CACNA1B: variants seen among roughly 807,000 people sequenced by gnomAD.
CACNA1B encodes voltage-dependent N-type calcium channel subunit alpha-1B.
In CACNA1B, 70 loss-of-function variants were observed where a neutral mutation model predicts 247.2. The observed-to-expected ratio is 0.28, with a 90% CI of 0.23 to 0.35. The LOEUF is 0.35. Among genes scored for constraint, CACNA1B ranks in the 10% least tolerant of loss-of-function variants. The pLI is 1.00. For missense variants in CACNA1B, 2,367 were observed against 3,197.4 expected, an observed-to-expected ratio of 0.74 and a Z score of 6.26; for synonymous variants, 1,231 against 1,294.4, an observed-to-expected ratio of 0.95 and a Z score of 1.05.
chr9:138,034,449 G>GTTTT (rs566090688), intron 20 of CACNA1B, among the ~76,000 whole-genome samples: 1 of 135,190 alleles, frequency 7.4e-6, no homozygotes, highest in Non-Finnish European at 1.6e-5. Flanking sequence ...TAGGGTCATA[G>GTTTT]TTTTTTTTTT....
At chr9:138,070,202 C>A (rs1025573729) in intron 32 of CACNA1B, among the ~76,000 whole-genome samples, 1 of 152,202 alleles carries the variant, frequency 6.6e-6, no homozygotes, top group Non-Finnish European at 1.5e-5. Flanking sequence ...TCAAGAAGGC[C>A]CCGCTTTGCC....
chr9:137,918,997 G>A (rs1167303440), intron 6 of CACNA1B, among the ~76,000 whole-genome samples: 1 of 152,230 alleles, frequency 6.6e-6, no homozygotes, highest in Admixed American at 6.5e-5. Context: ...ATAGCTCTGA[G>A]CTGGCTGCAT....
chr9:137,887,935 G>A (rs1483132681), intron 3 of CACNA1B, among the ~76,000 whole-genome samples: 7 of 148,160 alleles, frequency 4.7e-5, no homozygotes, highest in Admixed American at 1.3e-4. Flanking sequence ...CAGTCGGGGT[G>A]TAGTGTGTCC....
At chr9:138,028,733 C>T (rs1958951924) in intron 20 of CACNA1B, among the ~76,000 whole-genome samples, 1 of 152,192 alleles carries the variant, frequency 6.6e-6, no homozygotes, top group Non-Finnish European at 1.5e-5. Flanking sequence ...AATCAAGTCC[C>T]TTTATGCAAA....
intron 8 of CACNA1B, 26 bp from the exon 9 acceptor site, chr9:137,956,745 G>T: frequency 6.2e-7 from 1 of 1,611,472 alleles, no homozygotes; most frequent in South Asian, 1.1e-5. Flanking sequence ...GGAGGGCTCT[G>T]ACCTGAGGCT....
At chr9:137,928,477 G>A (rs961907313) in intron 6 of CACNA1B, among the ~76,000 whole-genome samples, 1 of 152,192 alleles carries the variant, frequency 6.6e-6, no homozygotes, top group African/African-American at 2.4e-5. Context: ...AAATCAGGAA[G>A]TATTTATTCC....
At chr9:137,989,877 A>T (rs962565843) in intron 15 of CACNA1B, among the ~76,000 whole-genome samples, 3 of 152,244 alleles carry the variant, frequency 2.0e-5, no homozygotes, top group African/African-American at 7.2e-5. Flanking sequence ...CTGAAGAAAA[A>T]ACAGGAAATG....
chr9:138,029,647 G>A (rs1589079704), intron 20 of CACNA1B, among the ~76,000 whole-genome samples: 2 of 130,252 alleles, frequency 1.5e-5, no homozygotes, highest in South Asian at 4.8e-4. Context: ...GTCTCGCTCT[G>A]TCGCCCAGGC....
At chr9:138,111,722 C>T (rs112118810) in intron 39 of CACNA1B, among the ~76,000 whole-genome samples, 3,905 of 152,038 alleles carry the variant, frequency 0.026, 58 homozygotes, top group Middle Eastern at 0.054. Flanking sequence ...CCTTCCCTAA[C>T]CCTCCTGCCC....
chr9:138,102,890 C>G lies in CACNA1B; in HGVS notation c.5319+83C>G. ...GCTTGCTGGCTCTCCCAGCTCCTCT[C>G]CCTTTCAGGGTGCCCGGCTGTCTGT... On this transcript the variant is annotated intron_variant, in intron 38 of 46. Transcript: ENST00000371372. The surrounding 1 kb of genome is among the most constrained non-coding windows in gnomAD (Gnocchi z 5.4). 1.2e-6 allele frequency: 1 copy of G among 815,198 alleles called. No individual in the cohort carries two copies. 50.5% of individuals were successfully genotyped at this position (815,198 alleles called of 1,614,324 possible).
chr9:138,035,580 T>C (rs1420014893), intron 20 of CACNA1B, among the ~76,000 whole-genome samples: 2 of 152,060 alleles, frequency 1.3e-5, no homozygotes, highest in East Asian at 3.9e-4. Flanking sequence ...TCTGATAGCC[T>C]TCCCTCCCTC....
At chr9:137,987,211 C>T (rs1476093992) in intron 15 of CACNA1B, among the ~76,000 whole-genome samples, 2 of 152,202 alleles carry the variant, frequency 1.3e-5, no homozygotes, top group African/African-American at 4.8e-5. Context: ...AAACAAAGCA[C>T]TTCCTAAACT....
Position 138,027,568 on chromosome 9 carries a change from A to AG in CACNA1B, c.3286+2399dup, listed in dbSNP as rs571496730. 1.6e-3 allele frequency among the ~76,000 whole-genome samples: 238 copies of AG among 152,088 alleles called. 1 individual carries two copies. Among genetic ancestry groups the AG allele is most frequent in the African/African-American group, 5.0e-3 (207 of 41,488 alleles). On this transcript the variant is annotated intron_variant, in intron 20 of 46. Transcript: ENST00000371372. ...AAATAAAATTTTGGTTTGGGGCCTG[A>AG]GGGATGTGTGTGTGTGTCTGTTTGT...
At position 137,981,099 on chromosome 9, in the gene CACNA1B, A is replaced by G. The variant is rs538349878; in HGVS notation, c.1657-3039A>G. Among the ~76,000 whole-genome samples the G allele has an allele frequency of 5.3e-5, 8 of 152,310 alleles. No homozygotes were observed. In the East Asian group the frequency reaches 1.5e-3, roughly 29 times the overall value. ...AACTGTTTTCCACAGTGACTGGACT[A>G]ATTTACATTCCCACCAACATCCCCT... On this transcript the variant is annotated intron_variant, in intron 12 of 46. Transcript: ENST00000371372.
chr9:137,939,412 AC>A (rs948469047), intron 6 of CACNA1B, among the ~76,000 whole-genome samples: 2 of 152,112 alleles, frequency 1.3e-5, no homozygotes, highest in African/African-American at 2.4e-5. Context: ...TCCAAGAAGA[AC>A]CCTCAAAACC....
chr9:137,939,847 TAAAA>T (rs61564187), intron 6 of CACNA1B, among the ~76,000 whole-genome samples: 16,082 of 94,774 alleles, frequency 0.17, 1,562 homozygotes, highest in African/African-American at 0.47. Context: ...AATAAATAAA[TAAAA>T]AAAAATAAAA....
chr9:137,992,792 G>T (rs958727307), intron 15 of CACNA1B, among the ~76,000 whole-genome samples: 1 of 122,058 alleles, frequency 8.2e-6, no homozygotes, highest in African/African-American at 3.9e-5. Flanking sequence ...GCGAGACTCC[G>T]TCTCAAAAAA....
At position 138,043,870 on chromosome 9, in the gene CACNA1B, G is replaced by C. The variant is rs200294825; in HGVS notation, c.3383G>C (p.Ser1128Thr). 1.1e-5 allele frequency: 18 copies of C among 1,613,890 alleles called. No individual in the cohort carries two copies. The South Asian group carries it at 1.9e-4, about 17-fold the overall frequency. The change falls in exon 21 of 47, where the codon AGC becomes ACC. Residue 1128 changes from serine to threonine, a missense_variant. Ser to Thr is a moderately conservative substitution (Grantham distance 58, BLOSUM62 1). Around this residue, in one of 12 missense-constraint regions of CACNA1B, gnomAD observed 631 missense variants for 631.1 expected, o/e 1.00. Coordinates refer to ENST00000371372, the MANE Select transcript of CACNA1B (RefSeq NM_000718.4). ...RSGPRPIVPY[S>T]SMFCLSPTNL... is the part of the protein sequence containing the mutation. ...GGCCCCCGGCCTATCGTCCCATACAGCTCCATGTTCTGTTTAAGCCCCACC... is the reference window on the plus strand; with the variant it reads ...GGCCCCCGGCCTATCGTCCCATACACCTCCATGTTCTGTTTAAGCCCCACC...
intron 34 of CACNA1B, among the ~76,000 whole-genome samples, chr9:138,075,391 G>T (rs567306595): frequency 1.3e-5 from 2 of 152,338 alleles, no homozygotes; most frequent in South Asian, 4.1e-4. Context: ...GGAAAAGTCA[G>T]TTAAAATGGC....
Sources: gnomAD v4.1 joint callset for allele counts (sites outside exome capture counted in the v4.1 genomes callset) on GRCh38, gnomAD v4.1.1 for gene constraint, gnomAD v4.1.1 regional missense constraint, Gnocchi (gnomAD v3.1) non-coding constraint, MANE v1.5 for transcripts, NCBI Gene and HGNC (gene_info 2026-07-23, HGNC 2026-07-21) for gene names.